SNTB1: variants seen among roughly 807,000 people sequenced by gnomAD.
SNTB1 encodes the protein beta-1-syntrophin.
Under a neutral mutation model 48.9 loss-of-function variants are expected in SNTB1, and 36 were observed. The ratio of observed to expected loss-of-function variants is 0.74; its 90% CI spans 0.56 to 0.97. The LOEUF (loss-of-function observed/expected upper bound fraction) is 0.97. SNTB1 is among the 50% of genes least tolerant of loss of function. The probability of loss-of-function intolerance (pLI) is 0.00; values close to 1 mark genes in which losing one functional copy is unlikely to be tolerated. For synonymous variants in SNTB1, 299 were observed against 294.6 expected (o/e 1.01, Z -0.15); for missense variants, 786 against 703.4 (o/e 1.12, Z -1.33).
intron 3 of SNTB1, among the ~76,000 whole-genome samples, chr8:120,619,848 C>T (rs1417625574): frequency 2.6e-5 from 4 of 152,146 alleles, no homozygotes; most frequent in African/African-American, 7.2e-5. Flanking sequence ...CTGTCCTACC[C>T]TTGCATGAAG....
intron 3 of SNTB1, among the ~76,000 whole-genome samples, chr8:120,580,705 G>A (rs1272071817): frequency 1.3e-5 from 2 of 152,114 alleles, no homozygotes; most frequent in Admixed American, 6.5e-5. Flanking sequence ...ACAAGCTATC[G>A]GTGTAATAAT....
intron 3 of SNTB1, among the ~76,000 whole-genome samples, chr8:120,626,364 G>A (rs149340817): frequency 0.013 from 1,959 of 152,244 alleles, 49 homozygotes; most frequent in African/African-American, 0.044. Context: ...AAATGACTGT[G>A]AAAGCTGAAA....
At chr8:120,678,762 C>T (rs1817880465) in intron 2 of SNTB1, among the ~76,000 whole-genome samples, 1 of 151,824 alleles carries the variant, frequency 6.6e-6, no homozygotes, top group African/African-American at 2.4e-5. Context: ...AATGTAAATA[C>T]AATTTTGTGA....
chr8:120,590,212 G>A (rs1374505173), intron 3 of SNTB1, among the ~76,000 whole-genome samples: 1 of 152,196 alleles, frequency 6.6e-6, no homozygotes, highest in Non-Finnish European at 1.5e-5. Flanking sequence ...AAAAGTAGCT[G>A]TGAAAATGTG....
intron 1 of SNTB1, among the ~76,000 whole-genome samples, chr8:120,743,451 G>C (rs1315158181): frequency 6.6e-6 from 1 of 152,208 alleles, no homozygotes; most frequent in African/African-American, 2.4e-5. Flanking sequence ...ATGCAGGCAG[G>C]AGTGATCGGA....
In SNTB1 at chr8:120,541,854, T is replaced by C. The variant is rs201389549; in HGVS notation, c.1480A>G (p.Ile494Val). ...CCAAAATCTAAATACAGCATCCTGA[T>C]TCCATCATCTGAAGACATTTTGAGC... ...EKLKMSSDDG[I>V]RMLYLDFGGK... Residue 494 changes from isoleucine (I) to valine (V), a missense_variant, in exon 6 of 7, where the codon ATC becomes GTC. Coordinates refer to ENST00000517992, the MANE Select transcript of SNTB1 (RefSeq NM_021021.4). 3.1e-6 allele frequency: 5 copies of C among 1,613,882 alleles called. No homozygotes were observed. In the East Asian group the frequency reaches 1.1e-4, roughly 36 times the overall value.
chr8:120,588,441 T>A (rs2130704380), intron 3 of SNTB1, among the ~76,000 whole-genome samples: 1 of 151,354 alleles, frequency 6.6e-6, no homozygotes, highest in East Asian at 1.9e-4. Context: ...TGTAAAACTG[T>A]GTTCCAAGGA....
intron 4 of SNTB1, among the ~76,000 whole-genome samples, chr8:120,549,706 C>T (rs970784069): frequency 7.9e-5 from 12 of 152,330 alleles, no homozygotes; most frequent in Admixed American, 2.0e-4. Flanking sequence ...GGGCCACCTT[C>T]GGAGCAGGGG....
At chr8:120,683,572 T>C (rs775320343) in intron 2 of SNTB1, among the ~76,000 whole-genome samples, 13 of 151,932 alleles carry the variant, frequency 8.6e-5, no homozygotes, top group Admixed American at 4.6e-4. Flanking sequence ...CTGCAGTGGG[T>C]CAGGTAGTGG....
intron 2 of SNTB1, among the ~76,000 whole-genome samples, chr8:120,666,189 C>G (rs1288869469): frequency 6.6e-6 from 1 of 152,168 alleles, no homozygotes; most frequent in East Asian, 1.9e-4. Context: ...TTCCTTTCCG[C>G]AGATACATAT....
intron 1 of SNTB1, among the ~76,000 whole-genome samples, chr8:120,763,224 C>T (rs1179142209): frequency 6.6e-6 from 1 of 152,080 alleles, no homozygotes; most frequent in Non-Finnish European, 1.5e-5. Flanking sequence ...GGTAATGATG[C>T]CCATTGTGAA....
intron 1 of SNTB1, among the ~76,000 whole-genome samples, chr8:120,756,382 TA>T (rs1360604556): frequency 6.6e-6 from 1 of 152,004 alleles, no homozygotes; most frequent in African/African-American, 2.4e-5. Context: ...GCTAAGGTGG[TA>T]AAGATGGGTA....
rs189885922 is a variant in SNTB1 at position 120,582,935 on chromosome 8, A to T, written c.997-7710T>A. Among the ~76,000 whole-genome samples the T allele has an allele frequency of 5.1e-3, 775 of 151,966 alleles. 3 individuals are homozygous for T. The highest frequency in any genetic ancestry group is 8.4e-3 in the Non-Finnish European group (568 of 67,882). ...GTATCCCAGAATTTAAAGTAAAATT[A>T]AAAAAAATGAAACAGGGGACATCAC... On this transcript the variant is annotated intron_variant, in intron 3 of 6. Transcript: ENST00000517992.
At chr8:120,741,837 GA>G (rs1262960420) in intron 1 of SNTB1, among the ~76,000 whole-genome samples, 1 of 152,200 alleles carries the variant, frequency 6.6e-6, no homozygotes, top group African/African-American at 2.4e-5. Flanking sequence ...GAAAAAGAAG[GA>G]GAAGAAGGAG....
intron 3 of SNTB1, among the ~76,000 whole-genome samples, chr8:120,602,256 A>C (rs1816432154): frequency 6.6e-6 from 1 of 152,244 alleles, no homozygotes; most frequent in Non-Finnish European, 1.5e-5. Flanking sequence ...CAAACTTTTC[A>C]CAAAATGCTA....
At chr8:120,762,021 T>G (rs1030502121) in intron 1 of SNTB1, among the ~76,000 whole-genome samples, 13 of 152,216 alleles carry the variant, frequency 8.5e-5, no homozygotes, top group Admixed American at 3.9e-4. Context: ...CTGATACATT[T>G]TCAAGAACAA....
chr8:120,667,885 C>G (rs1587075030), intron 2 of SNTB1, among the ~76,000 whole-genome samples: 1 of 152,118 alleles, frequency 6.6e-6, no homozygotes, highest in African/African-American at 2.4e-5. Context: ...TATGTGTGCT[C>G]TACCCAATGT....
chr8:120,757,412 C>G (rs1358696144), intron 1 of SNTB1, among the ~76,000 whole-genome samples: 1 of 152,078 alleles, frequency 6.6e-6, no homozygotes, highest in African/African-American at 2.4e-5. Flanking sequence ...CCTGTTAGAG[C>G]TGAAAACTGG....
intron 1 of SNTB1, among the ~76,000 whole-genome samples, chr8:120,778,232 G>T (rs985209713): frequency 1.3e-5 from 2 of 152,162 alleles, no homozygotes; most frequent in Non-Finnish European, 2.9e-5. Flanking sequence ...ATTTCTTCCT[G>T]AATCTATATT....
Sources: gnomAD v4.1 joint callset for allele counts (sites outside exome capture counted in the v4.1 genomes callset) on GRCh38, gnomAD v4.1.1 for gene constraint, MANE v1.5 for transcripts, NCBI Gene and HGNC (gene_info 2026-07-23, HGNC 2026-07-21) for gene names.